Variants in VIT observed in about 807,000 individuals in gnomAD.
VIT encodes vitrin.
A neutral mutation model predicts 78.0 loss-of-function variants in VIT; 99 were observed. The ratio of observed to expected loss-of-function variants is 1.27; its 90% confidence interval spans 1.08 to 1.50. The LOEUF is 1.50. Ranked by LOEUF, VIT falls within the 40% of genes most tolerant of loss-of-function variation. The probability of loss-of-function intolerance (pLI) is 0.00; values close to 1 mark genes in which losing one functional copy is unlikely to be tolerated. For synonymous variants in VIT, 374 were observed against 334.3 expected (o/e 1.12, Z -1.29); for missense variants, 1,126 against 875.3 (o/e 1.29, Z -3.61).
intron 1 of VIT, among the ~76,000 whole-genome samples, chr2:36,711,853 A>ATG (rs1224205141): frequency 1.3e-5 from 2 of 152,242 alleles, no homozygotes; most frequent in Non-Finnish European, 2.9e-5. Context: ...ACTTACACTA[A>ATG]TGTATACTCT....
At chr2:36,761,634 G>A (rs1391571159) in intron 6 of VIT, among the ~76,000 whole-genome samples, 2 of 152,104 alleles carry the variant, frequency 1.3e-5, no homozygotes. Context: ...CAGCTACTCG[G>A]GAGGCTGAGG....
chr2:36,789,713 C>T (rs1428521390), intron 12 of VIT, among the ~76,000 whole-genome samples: 2 of 152,196 alleles, frequency 1.3e-5, no homozygotes, highest in African/African-American at 2.4e-5. Flanking sequence ...CAGATTCTAA[C>T]GCCCTCTTTG....
At chr2:36,714,677 T>C (rs1441885865) in intron 1 of VIT, among the ~76,000 whole-genome samples, 2 of 152,170 alleles carry the variant, frequency 1.3e-5, no homozygotes, top group Non-Finnish European at 2.9e-5. Context: ...CACAAACTTC[T>C]CCCTTATTGC....
chr2:36,761,647 G>T (rs1669127578), intron 6 of VIT, among the ~76,000 whole-genome samples: 1 of 152,114 alleles, frequency 6.6e-6, no homozygotes, highest in Non-Finnish European at 1.5e-5. Flanking sequence ...GGCTGAGGCA[G>T]GAGAATCACT....
At chr2:36,790,612 T>C (rs956964557) in intron 12 of VIT, among the ~76,000 whole-genome samples, 2 of 152,234 alleles carry the variant, frequency 1.3e-5, no homozygotes, top group African/African-American at 4.8e-5. Flanking sequence ...AGAGGTTGAC[T>C]GACTTTCCCA....
rs764716414 is a variant in VIT, at chr2:36,699,622, A to AGG, written c.-19+2649_-19+2650insGG. 6.0e-3 allele frequency among the ~76,000 whole-genome samples: 821 copies of AGG among 137,276 alleles called. 10 individuals are homozygous for AGG. Among genetic ancestry groups the AGG allele is most frequent in the African/African-American group, 0.017 (620 of 36,626 alleles). The allele number at this position is 137,276 out of a possible 152,430, so 90.1% of individuals were successfully genotyped here. ...TATAGATATAGATATAGATAGATAT[A>AGG]TAGGTAGATAGATAGATAGATAGAT... On this transcript the variant is annotated intron_variant, in intron 1 of 15. Transcript: ENST00000379242.
At chr2:36,812,022 A>G (rs114070378) in intron 15 of VIT, among the ~76,000 whole-genome samples, 2,224 of 152,064 alleles carry the variant, frequency 0.015, 58 homozygotes, top group African/African-American at 0.051. Flanking sequence ...TTTAAGGGCA[A>G]CCTCTCCATC....
intron 13 of VIT, 68 bp from the exon 14 acceptor site, chr2:36,805,370 G>A: frequency 6.7e-7 from 1 of 1,482,540 alleles, no homozygotes; most frequent in Non-Finnish European, 9.0e-7. Flanking sequence ...TCTTTGTGCT[G>A]CTGTGATCTC....
At chr2:36,745,265 T>C (rs1383351918) in intron 4 of VIT, among the ~76,000 whole-genome samples, 1 of 152,118 alleles carries the variant, frequency 6.6e-6, no homozygotes, top group East Asian at 1.9e-4. Flanking sequence ...AGCTTTTTTC[T>C]TTTTGCTTAG....
At chr2:36,697,171 A>G (rs1202306201) in intron 1 of VIT, among the ~76,000 whole-genome samples, 198 bp downstream of exon 1, 1 of 152,244 alleles carries the variant, frequency 6.6e-6, no homozygotes, top group Non-Finnish European at 1.5e-5. Flanking sequence ...TTTATCAATT[A>G]TAAATAAACT....
intron 1 of VIT, among the ~76,000 whole-genome samples, chr2:36,706,917 A>T (rs1451899939): frequency 6.6e-6 from 1 of 152,142 alleles, no homozygotes; most frequent in Non-Finnish European, 1.5e-5. Flanking sequence ...AAAGTGCGCA[A>T]TATTAAGTTG....
chr2:36,808,439 A>G, intron 14 of VIT, 33 bp from the exon 15 acceptor site: 1 of 1,569,980 alleles, frequency 6.4e-7, no homozygotes. Context: ...TTTGACCCTG[A>G]CGTGGCGTGG....
At chr2:36,733,034 A>T (rs1390947187) in intron 3 of VIT, among the ~76,000 whole-genome samples, 1 of 152,190 alleles carries the variant, frequency 6.6e-6, no homozygotes, top group Non-Finnish European at 1.5e-5. Context: ...AAGCAAAGAG[A>T]CACCAGATGG....
chr2:36,721,784 C>T (rs529151289), intron 2 of VIT, among the ~76,000 whole-genome samples: 2 of 152,336 alleles, frequency 1.3e-5, no homozygotes, highest in South Asian at 4.1e-4. Context: ...CCTCTCACTT[C>T]CTCCCACCAA....
Position 36,793,500 on chromosome 2 carries a change from G to T in VIT, c.1058+6224G>T, listed in dbSNP as rs547388972. 2.6e-5 allele frequency among the ~76,000 whole-genome samples: 4 copies of T among 152,290 alleles called. No homozygotes were observed. In the South Asian group the frequency reaches 8.3e-4, roughly 32 times the overall value. ...AGCAGAGCTCATAGCTGTCTGAAGG[G>T]ATGGGAGCAGAATGATTTTCCATCT... On this transcript the variant is annotated intron_variant, in intron 12 of 15. Coordinates refer to ENST00000379242, the MANE Select transcript of VIT (RefSeq NM_053276.4).
At chr2:36,813,686 C>T (rs761207377) in intron 15 of VIT, among the ~76,000 whole-genome samples, 2 of 152,158 alleles carry the variant, frequency 1.3e-5, no homozygotes, top group Non-Finnish European at 2.9e-5. Flanking sequence ...TGATTCCATT[C>T]CACTGTTTTA....
At chr2:36,773,748 A>G (rs776446262) in intron 7 of VIT, 43 bp from the exon 8 acceptor site, 1 of 1,434,248 alleles carries the variant, frequency 7.0e-7, no homozygotes, top group South Asian at 1.7e-5. Flanking sequence ...TAATTAATTA[A>G]TTAAATAAAA....
chr2:36,811,640 C>G (rs978012116), intron 15 of VIT, among the ~76,000 whole-genome samples: 1 of 151,594 alleles, frequency 6.6e-6, no homozygotes, highest in Non-Finnish European at 1.5e-5. Flanking sequence ...ATCTGGAAAA[C>G]TAAATTTATT....
intron 2 of VIT, among the ~76,000 whole-genome samples, chr2:36,719,012 AAAAC>A (rs994473808): frequency 7.2e-5 from 11 of 152,350 alleles, no homozygotes; most frequent in African/African-American, 2.4e-4. Context: ...TCGAACAAAT[AAAAC>A]AAACAAACAA....
Sources: gnomAD v4.1 joint callset for allele counts (sites outside exome capture counted in the v4.1 genomes callset) on GRCh38, gnomAD v4.1.1 for gene constraint, MANE v1.5 for transcripts, NCBI Gene and HGNC (gene_info 2026-07-23, HGNC 2026-07-21) for gene names.